The following LRRIQ1 variants were observed in gnomAD, a reference collection of about 807,000 sequenced individuals.
The protein encoded by LRRIQ1 is leucine-rich repeat- and IQ domain-containing protein 1.
Under a neutral mutation model 211.9 loss-of-function variants are expected in LRRIQ1, and 210 were observed. That is an observed-to-expected ratio of 0.99 (90% CI 0.89 to 1.11). The LOEUF is 1.11. Ranked by LOEUF, LRRIQ1 falls within the 50% of genes most tolerant of loss-of-function variation. LRRIQ1 has a pLI of 0.00. For missense variants in LRRIQ1, 2,136 were observed against 1,939.5 expected (o/e 1.10, Z -1.90); for synonymous variants, 699 against 650.1 (o/e 1.08, Z -1.14).
intron 24 of LRRIQ1, among the ~76,000 whole-genome samples, chr12:85,218,191 T>C (rs1894243858): frequency 6.6e-6 from 1 of 151,986 alleles, no homozygotes; most frequent in Non-Finnish European, 1.5e-5. Context: ...CATTTAAAAA[T>C]ATGGGTTACA....
At chr12:85,185,514 A>G (rs1471401432) in intron 24 of LRRIQ1, among the ~76,000 whole-genome samples, 1 of 151,968 alleles carries the variant, frequency 6.6e-6, no homozygotes, top group African/African-American at 2.4e-5. Context: ...CCATAATAAT[A>G]AAGTTTAAAT....
At chr12:85,118,945 A>G (rs1887782017) in intron 15 of LRRIQ1, among the ~76,000 whole-genome samples, 1 of 152,092 alleles carries the variant, frequency 6.6e-6, no homozygotes, top group Non-Finnish European at 1.5e-5. Flanking sequence ...CCATACATGC[A>G]CAACATTTCC....
chr12:85,272,435 T>C, the LRRIQ1 span, among the ~76,000 whole-genome samples: 2 of 152,082 alleles, frequency 1.3e-5, no homozygotes, highest in Admixed American at 1.3e-4. Flanking sequence ...ATGAATCAAA[T>C]ACAGTGTAAA....
At chr12:85,197,298 T>C (rs1216092197) in intron 24 of LRRIQ1, among the ~76,000 whole-genome samples, 1 of 151,596 alleles carries the variant, frequency 6.6e-6, no homozygotes, top group Admixed American at 6.6e-5. Context: ...GAACTGGAAA[T>C]ACCATTTGAC....
chr12:85,049,450 G>T (rs1209783037), intron 6 of LRRIQ1, among the ~76,000 whole-genome samples: 1 of 152,070 alleles, frequency 6.6e-6, no homozygotes, highest in Admixed American at 6.5e-5. Context: ...CCAAAGGTTA[G>T]CTTTTCCTCC....
At chr12:85,142,862 G>A (rs752724917) in intron 19 of LRRIQ1, among the ~76,000 whole-genome samples, 9 of 151,488 alleles carry the variant, frequency 5.9e-5, no homozygotes, top group Non-Finnish European at 1.2e-4. Context: ...TGTATCCATT[G>A]ATGGACACAG....
chr12:85,040,754 C>T (rs1370431979), intron 3 of LRRIQ1, among the ~76,000 whole-genome samples, 153 bp downstream of exon 3: 1 of 151,412 alleles, frequency 6.6e-6, no homozygotes, highest in Non-Finnish European at 1.5e-5. Flanking sequence ...GTATATTGGA[C>T]TGTTGGGTTT....
At chr12:85,170,663 TA>T (rs1022279794) in intron 24 of LRRIQ1, among the ~76,000 whole-genome samples, 11 of 150,100 alleles carry the variant, frequency 7.3e-5, no homozygotes, top group Admixed American at 6.7e-4. Context: ...TACTTTTTGT[TA>T]AAAAAAAAGA....
intron 15 of LRRIQ1, among the ~76,000 whole-genome samples, chr12:85,111,001 T>C (rs1254286135): frequency 3.3e-5 from 5 of 152,142 alleles, no homozygotes; most frequent in Non-Finnish European, 5.9e-5. Flanking sequence ...AGAAACCTTA[T>C]GATTTGAATA....
chr12:85,052,337 A>T (rs1592702904), intron 7 of LRRIQ1, 86 bp downstream of exon 7: 3 of 687,928 alleles, frequency 4.4e-6, no homozygotes, highest in Non-Finnish European at 7.3e-6. Flanking sequence ...TTTTTAGATA[A>T]TGCTGCCTAA....
intron 3 of LRRIQ1, among the ~76,000 whole-genome samples, chr12:85,044,014 T>A (rs1879226983): frequency 6.6e-6 from 1 of 152,144 alleles, no homozygotes; most frequent in African/African-American, 2.4e-5. Context: ...CTGGATGATG[T>A]CATTTTTTTC....
chr12:85,182,611 A>G (rs1315083140), intron 24 of LRRIQ1, among the ~76,000 whole-genome samples: 1 of 152,144 alleles, frequency 6.6e-6, no homozygotes, highest in Non-Finnish European at 1.5e-5. Flanking sequence ...ATTCTAAATC[A>G]TGTAGCTAAT....
At chr12:85,135,318 T>A (rs888930770) in intron 18 of LRRIQ1, among the ~76,000 whole-genome samples, 16 of 151,878 alleles carry the variant, frequency 1.1e-4, no homozygotes, top group African/African-American at 3.6e-4. Context: ...GATTCAGGTT[T>A]TTTTTTTAGC....
chr12:85,065,446 A>T (rs2136058165), intron 9 of LRRIQ1, 32 bp downstream of exon 9: 5 of 1,465,526 alleles, frequency 3.4e-6, no homozygotes, highest in Non-Finnish European at 4.6e-6. Context: ...TATTTATTTT[A>T]TAATAAAATA....
intron 17 of LRRIQ1, 62 bp downstream of exon 17, chr12:85,124,581 T>C: frequency 8.2e-7 from 1 of 1,226,442 alleles, no homozygotes; most frequent in Non-Finnish European, 1.2e-6. Context: ...ATGGATGATA[T>C]TAGTCAATGG....
At chr12:85,076,277 A>G (rs1267352950) in intron 11 of LRRIQ1, among the ~76,000 whole-genome samples, 1 of 151,786 alleles carries the variant, frequency 6.6e-6, no homozygotes, top group Non-Finnish European at 1.5e-5. Context: ...AGTGATATAC[A>G]TTTTCTCTAT....
chr12:85,190,214 A>T (rs1321508053), intron 24 of LRRIQ1, among the ~76,000 whole-genome samples: 5 of 144,472 alleles, frequency 3.5e-5, no homozygotes, highest in African/African-American at 1.2e-4. Context: ...TTATAATTTT[A>T]TAATTTTATA....
chr12:85,085,782 T>C (rs954777282), intron 11 of LRRIQ1, among the ~76,000 whole-genome samples: 3 of 152,238 alleles, frequency 2.0e-5, no homozygotes, highest in Non-Finnish European at 4.4e-5. Flanking sequence ...TTCTTCTTTA[T>C]GGCTGTGTAG....
chr12:85,234,135 G>T (rs985843487), intron 26 of LRRIQ1, among the ~76,000 whole-genome samples: 1 of 152,078 alleles, frequency 6.6e-6, no homozygotes, highest in Non-Finnish European at 1.5e-5. Context: ...TACTTGGGAG[G>T]CTTAGGTGGG....
Sources: allele counts gnomAD v4.1 joint callset (sites outside exome capture counted in the v4.1 genomes callset), GRCh38; gene constraint gnomAD v4.1.1; transcripts MANE v1.5; gene names NCBI Gene and HGNC (gene_info 2026-07-23, HGNC 2026-07-21).